Variants in MALRD1 observed in about 807,000 individuals in gnomAD.
The protein encoded by MALRD1 is MAM and LDL-receptor class A domain-containing protein 1.
MALRD1 carries 247 observed loss-of-function variants against 242.1 expected under a neutral mutation model. The ratio of observed to expected loss-of-function variants is 1.02; its 90% CI spans 0.92 to 1.13. The LOEUF (loss-of-function observed/expected upper bound fraction) is 1.13, where lower values mean the gene tolerates loss of function less well. MALRD1 is among the 50% of genes most tolerant of loss of function. The pLI is 0.00. For synonymous variants in MALRD1, 995 were observed against 866.6 expected (o/e 1.15, Z -2.60); for missense variants, 2,989 against 2,533.1 (o/e 1.18, Z -3.86).
intron 5 of MALRD1, among the ~76,000 whole-genome samples, chr10:19,116,808 G>C (rs1214494810): frequency 2.0e-5 from 3 of 152,176 alleles, no homozygotes; most frequent in African/African-American, 7.2e-5. Flanking sequence ...GAGAAAAAGA[G>C]TTGGGCACAG....
intron 28 of MALRD1, among the ~76,000 whole-genome samples, chr10:19,404,668 C>T (rs7919618): frequency 0.82 from 124,263 of 151,782 alleles, 51,150 homozygotes; most frequent in Non-Finnish European, 0.85. Context: ...TCCTAGACCT[C>T]TGGGGAAGTG....
intron 18 of MALRD1, among the ~76,000 whole-genome samples, chr10:19,257,458 A>G (rs927429986): frequency 7.2e-5 from 11 of 152,102 alleles, no homozygotes; most frequent in Admixed American, 2.6e-4. Flanking sequence ...AAGAAATGCA[A>G]TGAGTTCCAT....
At chr10:19,378,230 G>A (rs1845690998) in intron 26 of MALRD1, among the ~76,000 whole-genome samples, 1 of 152,058 alleles carries the variant, frequency 6.6e-6, no homozygotes, top group Non-Finnish European at 1.5e-5. Flanking sequence ...TAATGAAGAA[G>A]GGAATTCGTT....
chr10:19,547,826 T>A (rs1410912376), intron 32 of MALRD1, among the ~76,000 whole-genome samples: 254 of 44,872 alleles, frequency 5.7e-3, no homozygotes, highest in East Asian at 0.016. Context: ...ATATTTTTTT[T>A]TTTTTTTTTT....
chr10:19,503,772 A>G (rs1023410082), intron 31 of MALRD1, among the ~76,000 whole-genome samples: 3 of 152,192 alleles, frequency 2.0e-5, no homozygotes, highest in Non-Finnish European at 4.4e-5. Flanking sequence ...ATTGCACCTG[A>G]TAAATACTTC....
At chr10:19,482,652 T>TACAC (rs144094060) in intron 29 of MALRD1, among the ~76,000 whole-genome samples, 11,364 of 136,256 alleles carry the variant, frequency 0.083, 493 homozygotes, top group Middle Eastern at 0.14. Flanking sequence ...TTACAATAGC[T>TACAC]ACACACACAC....
At position 19,132,414 on chromosome 10, in the gene MALRD1, C is replaced by T. The variant is rs374100290; in HGVS notation, c.1111-1442C>T. 2.6e-4 allele frequency among the ~76,000 whole-genome samples: 39 copies of T among 152,310 alleles called. No homozygotes were observed. The East Asian group carries it at 4.2e-3, about 17-fold the overall frequency. ...TGCTTCACTGTCTTGTGGAAATCTT[C>T]ACAGTTGATATGAATAAGTAATGAA... On this transcript the variant is annotated intron_variant, in intron 8 of 39. Transcript: ENST00000454679.
At chr10:19,383,225 C>T (rs1845910617) in intron 26 of MALRD1, among the ~76,000 whole-genome samples, 1 of 152,012 alleles carries the variant, frequency 6.6e-6, no homozygotes, top group African/African-American at 2.4e-5. Flanking sequence ...TCAAGTAAGC[C>T]CTGGTGTCTG....
At chr10:19,148,788 A>AATATATATATAT (rs767384867) in intron 11 of MALRD1, among the ~76,000 whole-genome samples, 7 of 88,014 alleles carry the variant, frequency 8.0e-5, no homozygotes, top group East Asian at 2.7e-4. Context: ...AAAAAAAAAA[A>AATATATATATAT]ATATATATAT....
intron 19 of MALRD1, among the ~76,000 whole-genome samples, chr10:19,272,566 G>A (rs1341865322): frequency 6.6e-6 from 1 of 152,076 alleles, no homozygotes; most frequent in Non-Finnish European, 1.5e-5. Context: ...TGTAGAACGT[G>A]CAGGTTTGTT....
intron 33 of MALRD1, among the ~76,000 whole-genome samples, chr10:19,591,142 C>A (rs1438915951): frequency 4.6e-5 from 7 of 152,152 alleles, no homozygotes; most frequent in African/African-American, 1.7e-4. Flanking sequence ...GTCATATAGT[C>A]AAAATCAGAC....
intron 28 of MALRD1, among the ~76,000 whole-genome samples, chr10:19,399,478 G>A (rs1160012572): frequency 1.3e-5 from 2 of 152,244 alleles, no homozygotes; most frequent in African/African-American, 2.4e-5. Flanking sequence ...CCAAAGTAGG[G>A]TAGAATTGCT....
At chr10:19,601,767 T>C (rs1838352842) in intron 34 of MALRD1, among the ~76,000 whole-genome samples, 1 of 152,002 alleles carries the variant, frequency 6.6e-6, no homozygotes, top group Non-Finnish European at 1.5e-5. Context: ...GATGAAGAAA[T>C]ATGGATAAAT....
chr10:19,692,392 T>G (rs1224105525), intron 37 of MALRD1, 31 bp downstream of exon 37: 13 of 1,530,880 alleles, frequency 8.5e-6, no homozygotes, highest in Admixed American at 3.9e-5. Context: ...ATAAATGGCT[T>G]GGTTTGGGGT....
At chr10:19,523,740 G>A (rs777589542) in intron 31 of MALRD1, among the ~76,000 whole-genome samples, 5 of 152,076 alleles carry the variant, frequency 3.3e-5, no homozygotes, top group Admixed American at 2.0e-4. Context: ...GAGCATATTA[G>A]GTTCTTTAAA....
intron 21 of MALRD1, among the ~76,000 whole-genome samples, chr10:19,286,333 G>A (rs375630214): frequency 1.4e-5 from 2 of 147,842 alleles, no homozygotes; most frequent in African/African-American, 2.5e-5. Flanking sequence ...TCTTGTGCCA[G>A]TTTTCAAAGG....
chr10:19,413,153 G>A (rs139223284), intron 28 of MALRD1, among the ~76,000 whole-genome samples: 24 of 152,102 alleles, frequency 1.6e-4, no homozygotes, highest in Admixed American at 7.9e-4. Context: ...AGTTATCCTC[G>A]CATTTTACAA....
intron 34 of MALRD1, among the ~76,000 whole-genome samples, chr10:19,599,879 G>A (rs1292681928): frequency 6.6e-6 from 1 of 152,116 alleles, no homozygotes; most frequent in Admixed American, 6.6e-5. Flanking sequence ...TCTGCTGGTG[G>A]TGATACCCAT....
chr10:19,331,926 C>T (rs35552483), intron 24 of MALRD1, among the ~76,000 whole-genome samples: 17,843 of 152,002 alleles, frequency 0.12, 1,115 homozygotes, highest in South Asian at 0.15. Flanking sequence ...AGTGCAGTGG[C>T]GTGATCTCGG....
Sources: gnomAD v4.1 joint callset for allele counts (sites outside exome capture counted in the v4.1 genomes callset) on GRCh38, gnomAD v4.1.1 for gene constraint, MANE v1.5 for transcripts, NCBI Gene and HGNC (gene_info 2026-07-23, HGNC 2026-07-21) for gene names.